The following EXOC6 variants were observed in gnomAD, a reference collection of about 807,000 sequenced individuals.
EXOC6 encodes the protein exocyst complex component 6.
Under a neutral mutation model 112.5 loss-of-function variants are expected in EXOC6, and 60 were observed. That is an observed-to-expected ratio of 0.53 (90% CI 0.43 to 0.66). The LOEUF (loss-of-function observed/expected upper bound fraction) is 0.66. Ranked by LOEUF, EXOC6 falls within the 30% of genes least tolerant of loss-of-function variation. The pLI is 0.00. For synonymous variants in EXOC6, 295 were observed against 308.0 expected (o/e 0.96, Z 0.44); for missense variants, 855 against 957.1 (o/e 0.89, Z 1.41).
At chr10:92,931,477 A>G (rs1207925623) in intron 9 of EXOC6, among the ~76,000 whole-genome samples, 1 of 151,812 alleles carries the variant, frequency 6.6e-6, no homozygotes, top group Admixed American at 6.6e-5. Context: ...GTAATGATCA[A>G]ATCAGAGTAA....
chr10:93,045,491 C>G (rs1845968022), intron 20 of EXOC6, among the ~76,000 whole-genome samples: 1 of 152,192 alleles, frequency 6.6e-6, no homozygotes, highest in South Asian at 2.1e-4. Context: ...GTCTGGCTTC[C>G]TTCATTCAAG....
chr10:92,928,209 G>C, intron 8 of EXOC6, 130 bp from the exon 9 acceptor site: 2 of 536,508 alleles, frequency 3.7e-6, no homozygotes, highest in Non-Finnish European at 6.6e-6. Context: ...TTGACATTCT[G>C]TATGAAATGC....
chr10:92,836,158 T>C (rs1222053233), intron 1 of EXOC6, among the ~76,000 whole-genome samples: 1 of 152,176 alleles, frequency 6.6e-6, no homozygotes, highest in Non-Finnish European at 1.5e-5. Flanking sequence ...TCTGCTCCCA[T>C]TGCTGCTTCA....
intron 1 of EXOC6, among the ~76,000 whole-genome samples, chr10:92,870,370 C>G (rs953411198): frequency 1.3e-5 from 2 of 152,142 alleles, no homozygotes; most frequent in Non-Finnish European, 2.9e-5. Context: ...TCTTCTGCAT[C>G]TATGGAGATG....
intron 4 of EXOC6, among the ~76,000 whole-genome samples, chr10:92,896,176 TA>T (rs1564810060): frequency 7.2e-4 from 13 of 18,130 alleles, no homozygotes; most frequent in African/African-American, 2.7e-3. Flanking sequence ...TATATATATA[TA>T]TATATTTTTT....
At chr10:93,048,287 T>C (rs920314050) in intron 20 of EXOC6, among the ~76,000 whole-genome samples, 2 of 151,786 alleles carry the variant, frequency 1.3e-5, no homozygotes, top group East Asian at 3.9e-4. Flanking sequence ...CTAAGTTACA[T>C]TCAACTATTT....
chr10:92,889,357 G>A (rs1334812876), intron 1 of EXOC6, among the ~76,000 whole-genome samples: 1 of 152,098 alleles, frequency 6.6e-6, no homozygotes, highest in Non-Finnish European at 1.5e-5. Context: ...GCAAGATTGG[G>A]AGGAAGTACA....
At chr10:92,848,040 G>A (rs947619278), upstream of EXOC6, among the ~76,000 whole-genome samples, 1 of 151,942 alleles carries the variant, frequency 6.6e-6, no homozygotes, top group African/African-American at 2.4e-5. Flanking sequence ...ACTATCACAT[G>A]CAATTTTGCT....
chr10:93,023,480 C>T (rs1181686617), intron 20 of EXOC6, among the ~76,000 whole-genome samples: 1 of 152,216 alleles, frequency 6.6e-6, no homozygotes, highest in African/African-American at 2.4e-5. Flanking sequence ...CATCTTAAGT[C>T]CTACTGCTCT....
chr10:92,839,263 C>T (rs1350917867), intron 1 of EXOC6, among the ~76,000 whole-genome samples: 2 of 152,172 alleles, frequency 1.3e-5, no homozygotes, highest in African/African-American at 4.8e-5. Context: ...ACTGTAGCCT[C>T]TCCATCTGGT....
chr10:93,005,035 G>A (rs907180719), intron 19 of EXOC6, among the ~76,000 whole-genome samples: 2 of 152,142 alleles, frequency 1.3e-5, no homozygotes, highest in East Asian at 1.9e-4. Context: ...ATGGCATTGA[G>A]GGAATACAGT....
chr10:92,921,109 T>C (rs1178293094), intron 8 of EXOC6, among the ~76,000 whole-genome samples: 1 of 152,242 alleles, frequency 6.6e-6, no homozygotes, highest in Non-Finnish European at 1.5e-5. Flanking sequence ...TAAGGTAGGA[T>C]TTATGTCTGC....
At chr10:93,029,309 T>C (rs1019445219) in intron 20 of EXOC6, among the ~76,000 whole-genome samples, 13 of 152,226 alleles carry the variant, frequency 8.5e-5, no homozygotes, top group Admixed American at 2.0e-4. Flanking sequence ...CTCACTTTAT[T>C]GTGATAATCA....
intron 20 of EXOC6, among the ~76,000 whole-genome samples, chr10:93,048,353 T>C (rs1846105977): frequency 6.6e-6 from 1 of 152,108 alleles, no homozygotes; most frequent in Non-Finnish European, 1.5e-5. Context: ...ATTGGGTAAT[T>C]GAAGGTTTTT....
chr10:92,899,701 G>C lies in EXOC6; in HGVS notation c.458+57G>C, dbSNP rs974068234. 3 of 1,211,446 alleles carry C rather than the reference G, an allele frequency of 2.5e-6. No homozygotes were observed. The African/African-American group carries it at 4.6e-5, about 18-fold the overall frequency. 75.0% of individuals were successfully genotyped at this position (1,211,446 alleles called of 1,614,324 possible). ...AAGAATTTTTTTCTATTATTGAAAG[G>C]ACAGATACATTTACTATAAATCATA... On this transcript the variant is annotated intron_variant, in intron 5 of 21. Coordinates refer to ENST00000260762, the MANE Select transcript of EXOC6 (RefSeq NM_019053.6).
At chr10:92,965,174 C>T (rs180918992) in intron 17 of EXOC6, among the ~76,000 whole-genome samples, 77 of 152,130 alleles carry the variant, frequency 5.1e-4, no homozygotes, top group Middle Eastern at 6.8e-3. Flanking sequence ...GACAGTAAAT[C>T]GTATATGTTT....
At chr10:93,010,556 G>A (rs191884474) in intron 19 of EXOC6, among the ~76,000 whole-genome samples, 8 of 151,980 alleles carry the variant, frequency 5.3e-5, no homozygotes, top group Admixed American at 2.6e-4. Context: ...AAAATTAGCC[G>A]GGCATGGTGG....
At chr10:92,876,820 ACCCTATGCATGC>A (rs977961141) in intron 1 of EXOC6, among the ~76,000 whole-genome samples, 2 of 152,078 alleles carry the variant, frequency 1.3e-5, no homozygotes, top group African/African-American at 4.8e-5. Context: ...TGACACTTTT[ACCCTATGCATGC>A]CCCTTTTCAT....
chr10:92,930,822 G>A (rs975922404), intron 9 of EXOC6, among the ~76,000 whole-genome samples: 1 of 151,954 alleles, frequency 6.6e-6, no homozygotes, highest in Non-Finnish European at 1.5e-5. Flanking sequence ...TTCAAAAGGT[G>A]TTGTTAAGAA....
Sources: allele counts gnomAD v4.1 joint callset (sites outside exome capture counted in the v4.1 genomes callset), GRCh38; gene constraint gnomAD v4.1.1; transcripts MANE v1.5; gene names NCBI Gene and HGNC (gene_info 2026-07-23, HGNC 2026-07-21).